Variants in GLI3 observed in about 807,000 individuals in gnomAD.
GLI3 encodes the protein transcription activator GLI3.
Under a neutral mutation model 100.8 loss-of-function variants are expected in GLI3, and 20 were observed. That is an observed-to-expected ratio of 0.20 (90% CI 0.14 to 0.29). GLI3 has a LOEUF of 0.29. Ranked by LOEUF, GLI3 falls within the 10% of genes least tolerant of loss-of-function variation. The probability of loss-of-function intolerance (pLI) is 1.00; values close to 1 mark genes in which losing one functional copy is unlikely to be tolerated. For synonymous variants in GLI3, 938 were observed against 860.5 expected, an observed-to-expected ratio of 1.09 and a Z score of -1.58; for missense variants, 2,040 against 2,128.5, an observed-to-expected ratio of 0.96 and a Z score of 0.82.
chr7:42,253,866 C>A (rs1789058036), intron 1 of GLI3, among the ~76,000 whole-genome samples: 2 of 152,232 alleles, frequency 1.3e-5, no homozygotes, highest in East Asian at 3.9e-4. Flanking sequence ...TCTTTACCCT[C>A]CAAGTCTTTT....
chr7:42,098,145 G>A (rs1023725128), intron 3 of GLI3, among the ~76,000 whole-genome samples: 4 of 151,964 alleles, frequency 2.6e-5, no homozygotes, highest in African/African-American at 4.8e-5. Flanking sequence ...AGAGAGAAAC[G>A]ACACGTGAAG....
intron 4 of GLI3, among the ~76,000 whole-genome samples, chr7:42,049,732 G>A (rs542982783): frequency 5.5e-4 from 83 of 152,096 alleles, no homozygotes; most frequent in Non-Finnish European, 7.2e-4. Context: ...TAACCTCCTG[G>A]ACCACCAAGT....
chr7:42,091,071 C>T (rs1305222272), intron 3 of GLI3, among the ~76,000 whole-genome samples: 4 of 152,294 alleles, frequency 2.6e-5, no homozygotes, highest in East Asian at 1.9e-4. Context: ...CAGAAGGGCC[C>T]GAGCATGGTT....
At chr7:42,163,957 A>G (rs1168677129) in intron 2 of GLI3, among the ~76,000 whole-genome samples, 1 of 152,164 alleles carries the variant, frequency 6.6e-6, no homozygotes, top group Non-Finnish European at 1.5e-5. Flanking sequence ...ACTTGTCTTT[A>G]TCAATCTTTG....
intron 4 of GLI3, among the ~76,000 whole-genome samples, chr7:42,058,741 C>T (rs1784510329): frequency 6.6e-6 from 1 of 152,192 alleles, no homozygotes; most frequent in African/African-American, 2.4e-5. Context: ...CTTCCAACAA[C>T]TGAAACAATG....
chr7:42,026,811 C>T (rs76215302), intron 7 of GLI3, among the ~76,000 whole-genome samples: 7 of 152,298 alleles, frequency 4.6e-5, no homozygotes, highest in South Asian at 4.1e-4. Context: ...TCACACTGCA[C>T]GCTTTCATAT....
intron 10 of GLI3, among the ~76,000 whole-genome samples, chr7:41,986,518 G>T (rs2128715961): frequency 6.7e-6 from 1 of 149,818 alleles, no homozygotes; most frequent in East Asian, 2.0e-4. Context: ...TAAAAGGAAT[G>T]AAATACGCAT....
intron 10 of GLI3, among the ~76,000 whole-genome samples, chr7:42,005,066 A>G (rs753636485): frequency 3.5e-4 from 53 of 152,238 alleles, no homozygotes; most frequent in Non-Finnish European, 6.9e-4. Flanking sequence ...ATATGATGAA[A>G]GCAAGACACA....
chr7:42,212,836 T>C (rs568448813), intron 2 of GLI3, among the ~76,000 whole-genome samples: 74 of 152,152 alleles, frequency 4.9e-4, no homozygotes, highest in Non-Finnish European at 9.1e-4. Context: ...ACATGAGAGG[T>C]CATCAGCATC....
intron 2 of GLI3, among the ~76,000 whole-genome samples, chr7:42,191,018 T>TA (rs917804899): frequency 1.2e-4 from 18 of 151,556 alleles, no homozygotes; most frequent in South Asian, 4.2e-4. Context: ...CTTAACCTGA[T>TA]AAAAAAAATA....
chr7:42,023,316 G>A (rs1297031590), intron 10 of GLI3, 152 bp downstream of exon 10: 16 of 737,676 alleles, frequency 2.2e-5, no homozygotes, highest in Admixed American at 1.0e-4. Context: ...CCGTGGCTCC[G>A]AGTTTTCTTT....
chr7:42,132,252 C>T lies in GLI3; in HGVS notation c.367+15974G>A, dbSNP rs558520974. On this transcript the variant is annotated intron_variant, in intron 3 of 14. Coordinates refer to ENST00000395925, the MANE Select transcript of GLI3 (RefSeq NM_000168.6). ...AGTAGCTGGGACTACAGGCGCCCGC[C>T]ACTACGCCCGGCTAATTTTTTGTAT... Among the ~76,000 whole-genome samples, 36 of 150,646 alleles carry T rather than the reference C, an allele frequency of 2.4e-4. No individual in the cohort carries two copies. In the South Asian group the frequency reaches 4.5e-3, roughly 19 times the overall value.
At chr7:42,058,439 A>G (rs1784505411) in intron 4 of GLI3, among the ~76,000 whole-genome samples, 1 of 152,236 alleles carries the variant, frequency 6.6e-6, no homozygotes, top group Admixed American at 6.5e-5. Context: ...ATACATCGAG[A>G]TTTCCCACAG....
At chr7:42,055,429 G>C (rs887959998) in intron 4 of GLI3, among the ~76,000 whole-genome samples, 1 of 152,050 alleles carries the variant, frequency 6.6e-6, no homozygotes, top group Non-Finnish European at 1.5e-5. Flanking sequence ...CCACTTAAGG[G>C]AAGCAAGGCA....
intron 1 of GLI3, among the ~76,000 whole-genome samples, chr7:42,251,831 A>T (rs1048917740): frequency 6.6e-6 from 1 of 152,070 alleles, no homozygotes; most frequent in Admixed American, 6.6e-5. Flanking sequence ...ACTCTTAACC[A>T]CTACACAGAG....
intron 3 of GLI3, among the ~76,000 whole-genome samples, chr7:42,126,030 A>G (rs1786118375): frequency 6.6e-6 from 1 of 152,186 alleles, no homozygotes; most frequent in African/African-American, 2.4e-5. Flanking sequence ...ACCTGGTTCA[A>G]CTTAAAAGGA....
intron 2 of GLI3, among the ~76,000 whole-genome samples, chr7:42,211,130 A>G (rs1788264137): frequency 6.6e-6 from 1 of 152,152 alleles, no homozygotes; most frequent in Non-Finnish European, 1.5e-5. Context: ...GATCAAAGAA[A>G]GTGCTTTGAA....
chr7:42,019,330 A>G (rs1486543629), intron 10 of GLI3, among the ~76,000 whole-genome samples: 1 of 152,222 alleles, frequency 6.6e-6, no homozygotes, highest in Non-Finnish European at 1.5e-5. Flanking sequence ...GTTTCAGAGA[A>G]CCTGAGACTA....
At chr7:42,149,730 G>A (rs1347709664) in intron 2 of GLI3, among the ~76,000 whole-genome samples, 1 of 152,116 alleles carries the variant, frequency 6.6e-6, no homozygotes, top group Non-Finnish European at 1.5e-5. Context: ...AATAGATCTT[G>A]AGCACATCTT....
Sources: allele counts gnomAD v4.1 joint callset (sites outside exome capture counted in the v4.1 genomes callset), GRCh38; gene constraint gnomAD v4.1.1; transcripts MANE v1.5; gene names NCBI Gene and HGNC (gene_info 2026-07-23, HGNC 2026-07-21).